Variants in KNG1 observed in about 807,000 individuals in gnomAD.
KNG1 encodes kininogen 1, also known as kininogen-1.
A neutral mutation model predicts 47.8 loss-of-function variants in KNG1; 23 were observed. The observed-to-expected ratio is 0.48, with a 90% CI of 0.35 to 0.68. KNG1 has a LOEUF of 0.68. Ranked by LOEUF, KNG1 falls within the 30% of genes least tolerant of loss-of-function variation. KNG1 has a pLI of 0.01. For synonymous variants in KNG1, 277 were observed against 277.0 expected (o/e 1.00, Z 0.00); for missense variants, 762 against 790.2 (o/e 0.96, Z 0.43).
At chr3:186,727,391 C>T (rs928475278) in intron 5 of KNG1, 47 bp downstream of exon 5, 2 of 1,241,910 alleles carry the variant, frequency 1.6e-6, no homozygotes, top group South Asian at 1.2e-5. Context: ...ATTTTGTTTA[C>T]ATTTTGTGGT....
At chr3:186,730,683 AATATATAT>A (rs200151975) in intron 5 of KNG1, among the ~76,000 whole-genome samples, 12 of 39,148 alleles carry the variant, frequency 3.1e-4, no homozygotes, top group African/African-American at 1.1e-3. Flanking sequence ...AAAAAAAAAA[AATATATAT>A]ATATATATAT....
In KNG1 at chr3:186,742,230, C is replaced by G; in HGVS notation, c.1834C>G (p.Pro612Ala). 6.2e-7 allele frequency: 1 copy of G among 1,614,178 alleles called. No homozygotes were observed. Among genetic ancestry groups the G allele is most frequent in the East Asian group, 2.2e-5 (1 of 44,882 alleles). The part of the protein sequence containing the change: ...PISDFPDTTS[P>A]KCPGRPWKSV... ...ATCAGATTTTCCAGACACGACCTCC[C>G]CAAAATGTCCTGGACGCCCCTGGAA... The change falls in exon 10 of 10, where the codon CCA becomes GCA. Residue 612 changes from proline to alanine, a missense_variant. Physicochemically the swap from Pro to Ala is conservative, Grantham distance 27 (BLOSUM62 -1). Coordinates refer to ENST00000644859, the MANE Select transcript of KNG1 (RefSeq NM_001102416.3).
chr3:186,742,444 G>T lies in KNG1; in HGVS notation c.*113G>T, dbSNP rs919954680. ...ATGCACCAAAAACCATGCAGCTTCG[G>T]AACAGTCTAAAGAGAAGTGGTGAGA... On this transcript the variant is annotated 3_prime_UTR_variant, in exon 10 of 10. Transcript: ENST00000644859. 2.6e-6 allele frequency: 4 copies of T among 1,542,238 alleles called. No homozygotes were observed. The Admixed American group carries it at 5.8e-5, about 22-fold the overall frequency.
chr3:186,724,755 G>C (rs5030014), intron 3 of KNG1, among the ~76,000 whole-genome samples: 54,283 of 151,486 alleles, frequency 0.36, 10,146 homozygotes, highest in Middle Eastern at 0.51. Flanking sequence ...GAGTGCAGTC[G>C]CATGATCTCG....
chr3:186,720,036 G>A lies in KNG1; in HGVS notation c.196-69G>A, dbSNP rs546890467. On this transcript the variant is annotated intron_variant, in intron 1 of 9. Transcript: ENST00000644859. ...AAAGATCAATATTCCTAACTTTACC[G>A]GAACCCACTAGAATTATTTGCTGTT... 105 of 938,104 alleles carry A rather than the reference G, an allele frequency of 1.1e-4. 1 individual carries two copies. Among genetic ancestry groups the A allele is most frequent in the South Asian group, 9.4e-4 (73 of 77,348 alleles). 58.1% of individuals were successfully genotyped at this position (938,104 alleles called of 1,614,324 possible). A position where few individuals can be genotyped will look rare whatever the true frequency, so the allele number is the denominator to read the frequency against.
rs759881170 is a variant in KNG1, at chr3:186,742,322, C to G, written c.1926C>G (p.Gly642=). ...KESYYFDLTD[G]LS is the part of the protein sequence containing the mutation. Reference sequence around the variant, plus strand: ...CTTATTATTTCGATCTCACTGATGGCCTTTCTTAATTTAAGTGGCTATGGG... The same window carrying G: ...CTTATTATTTCGATCTCACTGATGGGCTTTCTTAATTTAAGTGGCTATGGG... Residue 642 remains glycine (G), a synonymous_variant, in exon 10 of 10, where the codon GGC becomes GGG. Transcript: ENST00000644859. 1 of 1,613,802 alleles carries G rather than the reference C, an allele frequency of 6.2e-7. No homozygotes were observed. Among genetic ancestry groups the G allele is most frequent in the Non-Finnish European group, 8.5e-7 (1 of 1,179,822 alleles).
chr3:186,726,526 G>C (rs75802717), intron 4 of KNG1, among the ~76,000 whole-genome samples: 1 of 151,244 alleles, frequency 6.6e-6, no homozygotes, highest in Admixed American at 6.6e-5. Context: ...CTGACCTCAG[G>C]TGTTCCTCCC....
rs1156733214 is a variant in KNG1, at chr3:186,743,893, ATG to A, written c.*1563_*1564del. 5.0e-6 allele frequency: 4 copies of A among 794,726 alleles called. No individual in the cohort carries two copies. In the African/African-American group the frequency reaches 6.8e-5, roughly 13 times the overall value. 49.2% of individuals were successfully genotyped at this position (794,726 alleles called of 1,614,324 possible). Reference sequence around the variant, plus strand: ...TGGGATAGAATTTAAATAGAGAAGAATGCCATTTTATCACTCTGCCTCTGGGT... The same window carrying A: ...TGGGATAGAATTTAAATAGAGAAGAACCATTTTATCACTCTGCCTCTGGGT... On this transcript the variant is annotated 3_prime_UTR_variant, in exon 10 of 10. Transcript: ENST00000644859.
In KNG1 at chr3:186,720,784, CTTTTTTTTTTTTT is replaced by C. The variant is rs1167537831; in HGVS notation, c.306+580_306+592del. On this transcript the variant is annotated intron_variant, in intron 2 of 9. Transcript: ENST00000644859. ...CACACCATAGCTGGTTGTTGTTTTG[CTTTTTTTTTTTTT>C]TTTTTTTTTTGAGCCAGAGTCTCGC... is the stretch of plus-strand genomic sequence containing the variant. Among the ~76,000 whole-genome samples, 14 of 89,778 alleles carry C rather than the reference CTTTTTTTTTTTTT, an allele frequency of 1.6e-4. No individual in the cohort carries two copies. In the Admixed American group the frequency reaches 1.9e-3, roughly 12 times the overall value. 58.9% of individuals were successfully genotyped at this position (89,778 alleles called of 152,430 possible).
chr3:186,730,739 T>TAC lies in KNG1; in HGVS notation c.673-802_673-801dup, dbSNP rs1560066070. Among the ~76,000 whole-genome samples the TAC allele has an allele frequency of 1.8e-3, 86 of 49,126 alleles. 2 individuals carry two copies. The highest frequency in any genetic ancestry group is 3.7e-3 in the Admixed American group (19 of 5,108). 32.2% of individuals were successfully genotyped at this position (49,126 alleles called of 152,430 possible). A position where few individuals can be genotyped will look rare whatever the true frequency, so the allele number is the denominator to read the frequency against. On this transcript the variant is annotated intron_variant, in intron 5 of 9. Transcript: ENST00000644859. ...ATACACACACACACACATATATATA[T>TAC]ACACATATATATATACACATATATA...
At chr3:186,724,928 C>A (rs1720306430) in intron 3 of KNG1, among the ~76,000 whole-genome samples, 160 bp from the exon 4 acceptor site, 2 of 152,142 alleles carry the variant, frequency 1.3e-5, no homozygotes, top group South Asian at 4.1e-4. Flanking sequence ...TCAGGCTGGT[C>A]TCGAACTCCT....
intron 5 of KNG1, 62 bp from the exon 6 acceptor site, chr3:186,731,483 T>C (rs1720530785): frequency 2.1e-6 from 2 of 960,620 alleles, no homozygotes; most frequent in Non-Finnish European, 3.4e-6. Flanking sequence ...TTACTAGTTG[T>C]TTACTTTTAA....
intron 3 of KNG1, among the ~76,000 whole-genome samples, chr3:186,724,659 C>G (rs1214805066): frequency 1.3e-5 from 2 of 150,860 alleles, no homozygotes. Context: ...ATGTTAGTCC[C>G]TTGTGGGATG....
At chr3:186,727,683 T>C (rs1720411404) in intron 5 of KNG1, among the ~76,000 whole-genome samples, 1 of 152,170 alleles carries the variant, frequency 6.6e-6, no homozygotes, top group South Asian at 2.1e-4. Context: ...GCTATTCTCC[T>C]GCCTCAGCCT....
Position 186,741,638 on chromosome 3 carries a change from T to C in KNG1, c.1242T>C (p.Asp414=), listed in dbSNP as rs773951777. The C allele has an allele frequency of 2.9e-5, 46 of 1,613,948 alleles. No individual in the cohort carries two copies. The African/African-American group carries it at 4.0e-4, about 14-fold the overall frequency. ...PPHTSMAPAQ[D]EERDSGKEQG... ...ACACTTCCATGGCACCTGCACAAGA[T>C]GAAGAGCGGGATTCAGGAAAAGAAC... Residue 414 remains aspartate (D), a synonymous_variant, in exon 10 of 10, where the codon GAT becomes GAC. Transcript: ENST00000644859.
intron 7 of KNG1, among the ~76,000 whole-genome samples, chr3:186,733,472 G>C (rs536355615): frequency 6.6e-6 from 1 of 151,988 alleles, no homozygotes; most frequent in African/African-American, 2.4e-5. Context: ...CTGGGATCCC[G>C]CTCTCCTGCA....
intron 2 of KNG1, among the ~76,000 whole-genome samples, chr3:186,720,784 C>CCTTTT (rs1720170571): frequency 3.3e-5 from 3 of 89,778 alleles, no homozygotes; most frequent in African/African-American, 1.4e-4. Flanking sequence ...TGTTGTTTTG[C>CCTTTT]TTTTTTTTTT....
intron 3 of KNG1, among the ~76,000 whole-genome samples, chr3:186,723,216 G>A (rs1234263655): frequency 6.6e-6 from 1 of 152,028 alleles, no homozygotes; most frequent in African/African-American, 2.4e-5. Context: ...TTAAGTCAGG[G>A]TATTTGGGGT....
chr3:186,743,998 T>C lies in KNG1; in HGVS notation c.*1667T>C. ...CAGCCCTACCCATTCTGCAGCAAAT[T>C]CCAGCTGGTCAGAGAGTCAGTGCTG... On this transcript the variant is annotated 3_prime_UTR_variant, in exon 10 of 10. Transcript: ENST00000644859. 1.7e-6 allele frequency: 1 copy of C among 597,830 alleles called. No individual in the cohort carries two copies. Among genetic ancestry groups the C allele is most frequent in the Non-Finnish European group, 3.1e-6 (1 of 327,076 alleles). 37.0% of individuals were successfully genotyped at this position (597,830 alleles called of 1,614,324 possible).
Sources: allele counts gnomAD v4.1 joint callset (sites outside exome capture counted in the v4.1 genomes callset), GRCh38; gene constraint gnomAD v4.1.1; transcripts MANE v1.5; gene names NCBI Gene and HGNC (gene_info 2026-07-23, HGNC 2026-07-21).